CLN8: variants seen among roughly 807,000 people sequenced by gnomAD.
CLN8 encodes protein CLN8.
In CLN8, 14 loss-of-function variants were observed where a neutral mutation model predicts 15.7. That is an observed-to-expected ratio of 0.89 (90% CI 0.59 to 1.39). The LOEUF (loss-of-function observed/expected upper bound fraction) is 1.39. CLN8 is among the 40% of genes most tolerant of loss of function. The pLI is 0.00. For synonymous variants in CLN8, 188 were observed against 151.0 expected, an observed-to-expected ratio of 1.25 and a Z score of -1.80; for missense variants, 415 against 364.0, an observed-to-expected ratio of 1.14 and a Z score of -1.14.
At chr8:1,770,899 G>A (rs1260973641) in intron 1 of CLN8, 33 bp from the exon 2 acceptor site, 6 of 694,292 alleles carry the variant, frequency 8.6e-6, no homozygotes, top group South Asian at 1.6e-5. Context: ...TGTTTCTATC[G>A]AGTCAACACA....
At position 1,783,600 on chromosome 8, in the gene CLN8, C is replaced by T. The variant is rs1011996314; in HGVS notation, c.*3033C>T. On this transcript the variant is annotated 3_prime_UTR_variant, in exon 3 of 3. Coordinates refer to ENST00000331222, the MANE Select transcript of CLN8 (RefSeq NM_018941.4). ...ACTGAAGACCAAGGGTTGGTGCAGCCTCCTCGCCGCGCTGCGGGGGCTGGG... is the reference window on the plus strand; with the variant it reads ...ACTGAAGACCAAGGGTTGGTGCAGCTTCCTCGCCGCGCTGCGGGGGCTGGG... 6.6e-6 allele frequency: 1 copy of T among 151,476 alleles called. No individual in the cohort carries two copies. The highest frequency in any genetic ancestry group is 2.4e-5 in the African/African-American group (1 of 41,226). 9.4% of individuals were successfully genotyped at this position (151,476 alleles called of 1,614,324 possible). A position where few individuals can be genotyped will look rare whatever the true frequency, so the allele number is the denominator to read the frequency against.
intron 1 of CLN8, among the ~76,000 whole-genome samples, chr8:1,767,762 G>A (rs947263497): frequency 2.0e-5 from 3 of 151,482 alleles, no homozygotes; most frequent in Non-Finnish European, 4.4e-5. Context: ...TAATAGAGTC[G>A]AGGTTTGACC....
upstream of CLN8, chr8:1,759,003 T>C (rs951882096): frequency 2.6e-5 from 4 of 152,198 alleles, no homozygotes; most frequent in Non-Finnish European, 4.4e-5. Flanking sequence ...AAATATATTC[T>C]GGGGTAAAAT....
chr8:1,769,315 A>C, intron 1 of CLN8, among the ~76,000 whole-genome samples: 1 of 152,080 alleles, frequency 6.6e-6, no homozygotes. Flanking sequence ...GGTCACAGCG[A>C]CCTTTTTGCC....
intron 2 of CLN8, among the ~76,000 whole-genome samples, chr8:1,776,774 A>G (rs760191422): frequency 6.6e-6 from 1 of 152,200 alleles, no homozygotes; most frequent in Non-Finnish European, 1.5e-5. Context: ...GTGCACCCAC[A>G]TGTTCACTCG....
chr8:1,771,188 T>C lies in CLN8; in HGVS notation c.134T>C (p.Leu45Pro). 1 of 1,614,078 alleles carries C rather than the reference T, an allele frequency of 6.2e-7. No homozygotes were observed. The highest frequency in any genetic ancestry group is 2.2e-5 in the East Asian group (1 of 44,846). ...YLGVFVVCHQ[L>P]SSSLNATYRS... ...GGCGTCTTTGTGGTCTGCCACCAGC[T>C]GTCCTCTTCCCTGAATGCCACTTAC... The change falls in exon 2 of 3, where the codon CTG becomes CCG. Residue 45 changes from leucine to proline, a missense_variant. Transcript: ENST00000331222.
intron 1 of CLN8, among the ~76,000 whole-genome samples, 151 bp from the exon 2 acceptor site, chr8:1,770,781 A>C (rs1170357460): frequency 3.3e-5 from 5 of 152,124 alleles, no homozygotes; most frequent in African/African-American, 1.2e-4. Context: ...CTGTCAGTGG[A>C]TGTTACCTTG....
chr8:1,782,167 C>G lies in CLN8; in HGVS notation c.*1600C>G, dbSNP rs779844295. On this transcript the variant is annotated 3_prime_UTR_variant, in exon 3 of 3. Coordinates refer to ENST00000331222, the MANE Select transcript of CLN8 (RefSeq NM_018941.4). Reference sequence around the variant, plus strand: ...AGTTTTTGTTTTCGTTTTTTTGAGACGGAGCCTGGCTTTGGCTCCCAGGCT... The same window carrying G: ...AGTTTTTGTTTTCGTTTTTTTGAGAGGGAGCCTGGCTTTGGCTCCCAGGCT... 6.6e-6 allele frequency: 1 copy of G among 152,078 alleles called. No homozygotes were observed. Among genetic ancestry groups the G allele is most frequent in the Non-Finnish European group, 1.5e-5 (1 of 68,032 alleles). 9.4% of individuals were successfully genotyped at this position (152,078 alleles called of 1,614,324 possible). A position where few individuals can be genotyped will look rare whatever the true frequency, so the allele number is the denominator to read the frequency against.
At chr8:1,779,587 G>C (rs1311871913) in intron 2 of CLN8, among the ~76,000 whole-genome samples, 1 of 152,216 alleles carries the variant, frequency 6.6e-6, no homozygotes, top group African/African-American at 2.4e-5. Context: ...GTATTAGTCA[G>C]CTCAGGCTGC....
chr8:1,767,291 G>A (rs181156269), intron 1 of CLN8, among the ~76,000 whole-genome samples: 59 of 152,328 alleles, frequency 3.9e-4, no homozygotes, highest in African/African-American at 1.3e-3. Flanking sequence ...TAAGCATTCT[G>A]GTCTTTATAA....
chr8:1,771,276 T>G lies in CLN8; in HGVS notation c.222T>G (p.Gly74=). 2 of 1,614,040 alleles carry G rather than the reference T, an allele frequency of 1.2e-6. No individual in the cohort carries two copies. The highest frequency in any genetic ancestry group is 8.5e-7 in the Non-Finnish European group (1 of 1,179,902). ...TGGCGGCCACGCGTGCAGTCTTTGG[T>G]GTTCAGAGCACAGCCGCAGGCCTGT... ...WDLAATRAVF[G]VQSTAAGLWA... The change falls in exon 2 of 3, where the codon GGT becomes GGG. Residue 74 remains glycine (G), a synonymous_variant. Coordinates refer to ENST00000331222, the MANE Select transcript of CLN8 (RefSeq NM_018941.4).
At chr8:1,772,124 G>C (rs369931277) in intron 2 of CLN8, among the ~76,000 whole-genome samples, 5 of 152,014 alleles carry the variant, frequency 3.3e-5, no homozygotes, top group African/African-American at 1.2e-4. Flanking sequence ...TTTTAGTAGA[G>C]ATGGGGTTTC....
chr8:1,775,872 C>G (rs1052854622), intron 2 of CLN8, among the ~76,000 whole-genome samples: 1 of 152,258 alleles, frequency 6.6e-6, no homozygotes, highest in Non-Finnish European at 1.5e-5. Context: ...CTTGCAGGCC[C>G]TGTGCCAGGT....
chr8:1,763,318 T>C (rs1397036031), upstream of CLN8: 10 of 110,374 alleles, frequency 9.1e-5, no homozygotes, highest in East Asian at 2.0e-3. Flanking sequence ...CCGCCCGCCA[T>C]GGTTCAGCCC....
At chr8:1,769,698 A>T (rs1352428944) in intron 1 of CLN8, among the ~76,000 whole-genome samples, 3 of 152,176 alleles carry the variant, frequency 2.0e-5, no homozygotes, top group African/African-American at 7.2e-5. Context: ...GTTTTTCAAG[A>T]ACTTGAGACT....
intron 1 of CLN8, among the ~76,000 whole-genome samples, chr8:1,757,135 T>A (rs1800689736): frequency 6.6e-6 from 1 of 152,170 alleles, no homozygotes; most frequent in African/African-American, 2.4e-5. Context: ...ACAGTTTTAG[T>A]TTTTAAGCGG....
intron 2 of CLN8, among the ~76,000 whole-genome samples, chr8:1,779,646 T>C (rs1263703053): frequency 6.6e-6 from 1 of 152,218 alleles, no homozygotes; most frequent in Non-Finnish European, 1.5e-5. Context: ...GAAATTCCTT[T>C]CTCACAGTTT....
upstream of CLN8, chr8:1,755,752 T>G (rs948232000): frequency 6.6e-6 from 1 of 152,206 alleles, no homozygotes; most frequent in Non-Finnish European, 1.5e-5. Flanking sequence ...CCTCTCTTCA[T>G]GCTGAGTGAT....
At position 1,783,385 on chromosome 8, in the gene CLN8, A is replaced by T. The variant is rs182749051; in HGVS notation, c.*2818A>T. The T allele has an allele frequency of 6.6e-6, 1 of 152,306 alleles. No individual in the cohort carries two copies. Among genetic ancestry groups the T allele is most frequent in the East Asian group, 1.9e-4 (1 of 5,178 alleles). 9.4% of individuals were successfully genotyped at this position (152,306 alleles called of 1,614,324 possible). On this transcript the variant is annotated 3_prime_UTR_variant, in exon 3 of 3. Transcript: ENST00000331222. ...GGACGATTGGGCAATATCGGCCTTA[A>T]CTCCACCTGATGGCAGGTGACCCGG...
Sources: allele counts gnomAD v4.1 joint callset (sites outside exome capture counted in the v4.1 genomes callset), GRCh38; gene constraint gnomAD v4.1.1; transcripts MANE v1.5; gene names NCBI Gene and HGNC (gene_info 2026-07-23, HGNC 2026-07-21).